The following FHOD3 variants were observed in gnomAD, a reference collection of about 807,000 sequenced individuals.
FHOD3 encodes FH1/FH2 domain-containing protein 3.
A neutral mutation model predicts 173.0 loss-of-function variants in FHOD3; 90 were observed. The ratio of observed to expected loss-of-function variants is 0.52; its 90% CI spans 0.44 to 0.62. The LOEUF (loss-of-function observed/expected upper bound fraction) is 0.62, where lower values mean the gene tolerates loss of function less well. FHOD3 is among the 20% of genes least tolerant of loss of function. The pLI, the probability that FHOD3 is intolerant of heterozygous loss-of-function variation, is 0.00. For missense variants in FHOD3, 1,945 were observed against 2,034.7 expected, an observed-to-expected ratio of 0.96 and a Z score of 0.85; for synonymous variants, 828 against 823.0, an observed-to-expected ratio of 1.01 and a Z score of -0.10.
intron 9 of FHOD3, among the ~76,000 whole-genome samples, chr18:36,615,283 G>C (rs1037931880): frequency 6.6e-6 from 1 of 151,882 alleles, no homozygotes; most frequent in African/African-American, 2.4e-5. Context: ...TAACTGATCA[G>C]TCTTATTAAT....
intron 3 of FHOD3, among the ~76,000 whole-genome samples, chr18:36,419,675 G>A (rs1312238630): frequency 6.6e-6 from 1 of 152,222 alleles, no homozygotes; most frequent in Non-Finnish European, 1.5e-5. Flanking sequence ...AAGTGCCTAA[G>A]TAGTGGGTGA....
intron 3 of FHOD3, among the ~76,000 whole-genome samples, chr18:36,471,473 G>A (rs1001494230): frequency 2.6e-5 from 4 of 152,152 alleles, no homozygotes; most frequent in Non-Finnish European, 5.9e-5. Context: ...GTTGTCGATC[G>A]ACTGCCCTGC....
chr18:36,744,979 TC>T (rs1385287356), intron 23 of FHOD3, among the ~76,000 whole-genome samples: 2 of 152,124 alleles, frequency 1.3e-5, no homozygotes, highest in African/African-American at 2.4e-5. Context: ...GAAGGAACCT[TC>T]TAGAAACACT....
intron 10 of FHOD3, among the ~76,000 whole-genome samples, chr18:36,629,644 C>G (rs1341221571): frequency 6.6e-5 from 10 of 152,110 alleles, no homozygotes; most frequent in Admixed American, 2.6e-4. Flanking sequence ...AAGGAATATT[C>G]CATGAAGAGA....
At chr18:36,751,500 A>G (rs1051306666) in intron 24 of FHOD3, among the ~76,000 whole-genome samples, 1 of 152,192 alleles carries the variant, frequency 6.6e-6, no homozygotes, top group Non-Finnish European at 1.5e-5. Flanking sequence ...CAGAACTTCC[A>G]ACATTATGTT....
chr18:36,450,705 A>T (rs1457444854), intron 3 of FHOD3, among the ~76,000 whole-genome samples: 1 of 151,938 alleles, frequency 6.6e-6, no homozygotes, highest in Non-Finnish European at 1.5e-5. Flanking sequence ...AGGTGGGAGG[A>T]TTCCCTGAGG....
chr18:36,677,636 C>T (rs921778420), intron 14 of FHOD3, among the ~76,000 whole-genome samples: 3 of 152,292 alleles, frequency 2.0e-5, no homozygotes, highest in East Asian at 3.9e-4. Flanking sequence ...ACCACTTTGA[C>T]GGGCAATCAT....
intron 21 of FHOD3, 31 bp downstream of exon 21, chr18:36,740,869 C>T (rs376152496): frequency 2.0e-5 from 32 of 1,589,194 alleles, no homozygotes; most frequent in Admixed American, 5.6e-5. Context: ...GCCGCTGATC[C>T]CACATCCACA....
intron 5 of FHOD3, among the ~76,000 whole-genome samples, chr18:36,560,828 T>G (rs75271497): frequency 1.5e-4 from 2 of 13,666 alleles, no homozygotes; most frequent in Non-Finnish European, 3.6e-4. Context: ...GAGCAGCTGT[T>G]TTTTTTTTTT....
At position 36,492,816 on chromosome 18, in the gene FHOD3, A is replaced by T. The variant is rs561126883; in HGVS notation, c.338-9116A>T. Among the ~76,000 whole-genome samples the T allele has an allele frequency of 1.6e-4, 24 of 152,306 alleles. No homozygotes were observed. In the South Asian group the frequency reaches 4.6e-3, roughly 29 times the overall value. ...ACAAAAGGGATGAGTCAGACTTCTC[A>T]AAAGCAAAGCCTTTGCTTTGGCATG... is the stretch of plus-strand genomic sequence containing the variant. On this transcript the variant is annotated intron_variant, in intron 3 of 28. Transcript: ENST00000590592.
At chr18:36,691,016 A>T (rs2038930295) in intron 16 of FHOD3, among the ~76,000 whole-genome samples, 2 of 152,208 alleles carry the variant, frequency 1.3e-5, no homozygotes, top group South Asian at 4.1e-4. Context: ...ATCTTCAGTG[A>T]TGGCATCTGT....
At position 36,716,948 on chromosome 18, in the gene FHOD3, GTGTGTA is replaced by G. The variant is rs1429969987; in HGVS notation, c.2534-878_2534-873del. Among the ~76,000 whole-genome samples the G allele has an allele frequency of 2.0e-4, 30 of 151,496 alleles. No homozygotes were observed. The East Asian group carries it at 5.3e-3, about 27-fold the overall frequency. Reference sequence around the variant, plus strand: ...TGTGTGTGTGTGTGTGTGTGTGTGTGTGTGTATGTGTTAATGTGCCAGAAGGAAGAC... The same window carrying G: ...TGTGTGTGTGTGTGTGTGTGTGTGTGTGTGTTAATGTGCCAGAAGGAAGAC... On this transcript the variant is annotated intron_variant, in intron 18 of 28. Transcript: ENST00000590592.
intron 3 of FHOD3, among the ~76,000 whole-genome samples, chr18:36,455,385 G>A (rs890942532): frequency 2.0e-5 from 3 of 152,070 alleles, no homozygotes; most frequent in African/African-American, 7.2e-5. Context: ...TTCTGGGATG[G>A]GATAGGAGCA....
intron 27 of FHOD3, among the ~76,000 whole-genome samples, chr18:36,765,387 T>G (rs1186798590): frequency 6.6e-6 from 1 of 152,204 alleles, no homozygotes; most frequent in African/African-American, 2.4e-5. Flanking sequence ...AAAATAATGC[T>G]GACTTCAGTC....
intron 13 of FHOD3, among the ~76,000 whole-genome samples, chr18:36,657,522 GC>G (rs1052883224): frequency 2.0e-5 from 3 of 152,200 alleles, no homozygotes; most frequent in African/African-American, 7.2e-5. Flanking sequence ...ATGAATACAT[GC>G]ACCTCTAAGG....
intron 2 of FHOD3, among the ~76,000 whole-genome samples, chr18:36,370,746 A>G (rs999605827): frequency 6.6e-6 from 1 of 152,186 alleles, no homozygotes; most frequent in Non-Finnish European, 1.5e-5. Context: ...TGGTAATGCG[A>G]ATTACAGAAA....
intron 28 of FHOD3, among the ~76,000 whole-genome samples, chr18:36,775,616 T>G (rs17567496): frequency 0.12 from 18,241 of 152,280 alleles, 1,384 homozygotes; most frequent in Admixed American, 0.17. Flanking sequence ...TTGCCATTGT[T>G]CTCGGATGCG....
Position 36,747,147 on chromosome 18 carries a change from G to C in FHOD3, c.4232+12G>C. 6.3e-7 allele frequency: 1 copy of C among 1,589,750 alleles called. No homozygotes were observed. Among genetic ancestry groups the C allele is most frequent in the Non-Finnish European group, 8.6e-7 (1 of 1,167,916 alleles). ...AGGATAATCAACAGGTAAGTGGATT[G>C]AGGAACTTATAGAAATATCAGTACA... is the stretch of plus-strand genomic sequence containing the variant. On this transcript the variant is annotated intron_variant, in intron 24 of 28. Coordinates refer to ENST00000590592, the MANE Select transcript of FHOD3 (RefSeq NM_001281740.3).
At chr18:36,526,749 T>C (rs1011045677) in intron 5 of FHOD3, among the ~76,000 whole-genome samples, 2 of 152,180 alleles carry the variant, frequency 1.3e-5, no homozygotes, top group Non-Finnish European at 2.9e-5. Context: ...TATATAGTGT[T>C]TCATGGGAAT....
Sources: gnomAD v4.1 joint callset for allele counts (sites outside exome capture counted in the v4.1 genomes callset) on GRCh38, gnomAD v4.1.1 for gene constraint, MANE v1.5 for transcripts, NCBI Gene and HGNC (gene_info 2026-07-23, HGNC 2026-07-21) for gene names.